NRCAM: variants seen among roughly 807,000 people sequenced by gnomAD.
The protein encoded by NRCAM is NgCAM-related cell adhesion molecule.
A neutral mutation model predicts 156.5 loss-of-function variants in NRCAM; 83 were observed. The observed-to-expected ratio is 0.53, with a 90% CI of 0.44 to 0.64. The LOEUF (loss-of-function observed/expected upper bound fraction) is 0.64, where lower values mean the gene tolerates loss of function less well. NRCAM is among the 30% of genes least tolerant of loss of function. NRCAM has a pLI of 0.00. For synonymous variants in NRCAM, 538 were observed against 563.9 expected (o/e 0.95, Z 0.65); for missense variants, 1,417 against 1,597.3 (o/e 0.89, Z 1.92).
intron 1 of NRCAM, among the ~76,000 whole-genome samples, chr7:108,428,663 T>C (rs1358761960): frequency 1.3e-5 from 2 of 152,214 alleles, no homozygotes; most frequent in South Asian, 2.1e-4. Context: ...TAAAAGCTTT[T>C]ACAGAAATTG....
intron 2 of NRCAM, among the ~76,000 whole-genome samples, chr7:108,384,190 A>G (rs543766545): frequency 1.4e-4 from 21 of 152,266 alleles, no homozygotes; most frequent in African/African-American, 4.8e-4. Flanking sequence ...AACAAACCCC[A>G]AAGACATGTG....
intron 15 of NRCAM, among the ~76,000 whole-genome samples, chr7:108,195,430 C>A (rs150392944): frequency 5.7e-5 from 8 of 140,354 alleles, no homozygotes; most frequent in African/African-American, 2.0e-4. Context: ...TTGAGATTAG[C>A]CTGGCCAACA....
chr7:108,287,218 T>C (rs956855352), intron 3 of NRCAM, among the ~76,000 whole-genome samples: 5 of 151,826 alleles, frequency 3.3e-5, no homozygotes, highest in Admixed American at 1.3e-4. Flanking sequence ...TCTAAAAATA[T>C]GGAACAACTA....
intron 32 of NRCAM, among the ~76,000 whole-genome samples, chr7:108,155,077 A>G (rs2044196585): frequency 7.0e-6 from 1 of 143,356 alleles, no homozygotes; most frequent in South Asian, 2.3e-4. Context: ...ATAGAAGATG[A>G]TTTAAAAGTC....
intron 2 of NRCAM, among the ~76,000 whole-genome samples, chr7:108,388,433 A>G (rs1262926665): frequency 6.6e-6 from 1 of 151,948 alleles, no homozygotes; most frequent in Non-Finnish European, 1.5e-5. Flanking sequence ...AAATTTGTTT[A>G]AGTTCTTTGT....
At chr7:108,425,811 C>A (rs899174841) in intron 1 of NRCAM, among the ~76,000 whole-genome samples, 2 of 152,096 alleles carry the variant, frequency 1.3e-5, no homozygotes, top group Non-Finnish European at 2.9e-5. Context: ...CTAGGTGCGT[C>A]CTGAACAGAA....
At chr7:108,150,990 T>C (rs2041208813) in intron 32 of NRCAM, among the ~76,000 whole-genome samples, 1 of 152,164 alleles carries the variant, frequency 6.6e-6, no homozygotes, top group Admixed American at 6.5e-5. Flanking sequence ...GCTCCCTTCT[T>C]CCTTGTGTGT....
chr7:108,157,914 A>C (rs1342697685), intron 32 of NRCAM, among the ~76,000 whole-genome samples: 1 of 152,170 alleles, frequency 6.6e-6, no homozygotes, highest in Non-Finnish European at 1.5e-5. Context: ...TCAGGGCCAC[A>C]TTAAAGATTT....
chr7:108,284,959 T>A (rs1469538444), intron 3 of NRCAM, among the ~76,000 whole-genome samples: 1 of 152,214 alleles, frequency 6.6e-6, no homozygotes, highest in Non-Finnish European at 1.5e-5. Context: ...GAAGGGCTCA[T>A]TCACCTACTC....
At chr7:108,271,413 A>T (rs115766397) in intron 3 of NRCAM, among the ~76,000 whole-genome samples, 1 of 152,264 alleles carries the variant, frequency 6.6e-6, no homozygotes, top group African/African-American at 2.4e-5. Flanking sequence ...AACCTAACAA[A>T]GTGACCAGGC....
intron 1 of NRCAM, among the ~76,000 whole-genome samples, chr7:108,437,740 T>C (rs1563808646): frequency 6.6e-6 from 1 of 152,262 alleles, no homozygotes; most frequent in East Asian, 1.9e-4. Context: ...TAAACAAAGA[T>C]TTTATAAAGC....
intron 32 of NRCAM, among the ~76,000 whole-genome samples, chr7:108,151,297 CAT>C (rs1189876887): frequency 7.2e-5 from 11 of 152,202 alleles, no homozygotes; most frequent in African/African-American, 2.2e-4. Flanking sequence ...AAATAGGAAA[CAT>C]ATACATTTTT....
At chr7:108,259,311 C>T (rs1199056425) in intron 3 of NRCAM, among the ~76,000 whole-genome samples, 1 of 152,176 alleles carries the variant, frequency 6.6e-6, no homozygotes, top group Non-Finnish European at 1.5e-5. Flanking sequence ...AATTGGTTAA[C>T]AAGCCTTTTT....
At chr7:108,383,897 AT>A (rs1251766464) in intron 2 of NRCAM, among the ~76,000 whole-genome samples, 10 of 152,098 alleles carry the variant, frequency 6.6e-5, no homozygotes, top group African/African-American at 2.4e-4. Context: ...AATGACCATC[AT>A]GATAACATAC....
chr7:108,438,982 A>G (rs918254480), intron 1 of NRCAM, among the ~76,000 whole-genome samples: 4 of 152,202 alleles, frequency 2.6e-5, no homozygotes, highest in Non-Finnish European at 5.9e-5. Context: ...GAAAATCTAA[A>G]TAAATAGACA....
intron 10 of NRCAM, among the ~76,000 whole-genome samples, chr7:108,224,800 C>T (rs1023335360): frequency 1.3e-5 from 2 of 152,054 alleles, no homozygotes; most frequent in African/African-American, 4.8e-5. Flanking sequence ...AAACTTACTC[C>T]TCTAAAATCA....
chr7:108,301,682 T>C (rs1198477754), intron 3 of NRCAM, among the ~76,000 whole-genome samples: 1 of 152,194 alleles, frequency 6.6e-6, no homozygotes, highest in Non-Finnish European at 1.5e-5. Flanking sequence ...GAAAAAAATA[T>C]GGCTCTTTTC....
At chr7:108,246,041 C>G (rs2095887891) in intron 3 of NRCAM, among the ~76,000 whole-genome samples, 1 of 152,212 alleles carries the variant, frequency 6.6e-6, no homozygotes, top group African/African-American at 2.4e-5. Flanking sequence ...AGCCAGCTAT[C>G]TGATGACAGT....
intron 2 of NRCAM, among the ~76,000 whole-genome samples, chr7:108,364,664 T>C (rs895782083): frequency 7.2e-5 from 11 of 151,908 alleles, no homozygotes; most frequent in South Asian, 2.1e-4. Flanking sequence ...TACAATGACA[T>C]GTTATCTGGC....
Sources: gnomAD v4.1 joint callset for allele counts (sites outside exome capture counted in the v4.1 genomes callset) on GRCh38, gnomAD v4.1.1 for gene constraint, MANE v1.5 for transcripts, NCBI Gene and HGNC (gene_info 2026-07-23, HGNC 2026-07-21) for gene names.